JPH1: variants seen among roughly 807,000 people sequenced by gnomAD.
JPH1 encodes the protein junctophilin 1, also known as junctophilin-1.
JPH1 carries 12 observed loss-of-function variants against 53.6 expected under a neutral mutation model. The observed-to-expected ratio is 0.22, with a 90% CI of 0.14 to 0.36. The LOEUF (loss-of-function observed/expected upper bound fraction) is 0.36, where lower values mean the gene tolerates loss of function less well. JPH1 is among the 10% of genes least tolerant of loss of function. The probability of loss-of-function intolerance (pLI) is 1.00; values close to 1 mark genes in which losing one functional copy is unlikely to be tolerated. For synonymous variants in JPH1, 375 were observed against 363.8 expected (o/e 1.03, Z -0.35); for missense variants, 808 against 905.5 (o/e 0.89, Z 1.38).
At chr8:74,269,863 T>C (rs1314405707) in intron 2 of JPH1, among the ~76,000 whole-genome samples, 2 of 152,238 alleles carry the variant, frequency 1.3e-5, no homozygotes, top group Non-Finnish European at 2.9e-5. Context: ...AAGAAGTTTC[T>C]TTATCACCAT....
chr8:74,246,823 G>A (rs188021463), intron 3 of JPH1, among the ~76,000 whole-genome samples: 9 of 152,160 alleles, frequency 5.9e-5, no homozygotes, highest in Non-Finnish European at 1.3e-4. Context: ...ATGGACAATT[G>A]AGACTTCCTT....
In JPH1 at chr8:74,315,652, C is replaced by T. The variant is rs1808136413; in HGVS notation, c.380-32G>A. 3.2e-6 allele frequency: 5 copies of T among 1,558,716 alleles called. No individual in the cohort carries two copies. Among genetic ancestry groups the T allele is most frequent in the Admixed American group, 3.7e-5 (2 of 54,200 alleles). On this transcript the variant is annotated intron_variant, in intron 1 of 5. Transcript: ENST00000342232. The surrounding 1 kb of genome is among the most constrained non-coding windows in gnomAD (Gnocchi z 6.3). ...GAGACCGCAAGAAAGCACCGTGAGT[C>T]GGGGGCAGAGCTGCACCGTCACCTG...
chr8:74,294,577 TTGTC>T (rs1807447585), intron 2 of JPH1, among the ~76,000 whole-genome samples: 1 of 152,214 alleles, frequency 6.6e-6, no homozygotes, highest in African/African-American at 2.4e-5. Flanking sequence ...CTCCCACACA[TTGTC>T]TGAACCTCCA....
chr8:74,314,813 C>T (rs771548331), intron 2 of JPH1, 48 bp downstream of exon 2: 1 of 1,600,134 alleles, frequency 6.2e-7, no homozygotes, highest in South Asian at 1.1e-5. Flanking sequence ...TTTGATACTC[C>T]ATTGTTCTGA....
chr8:74,259,859 ATAAAT>A (rs1806342405), intron 2 of JPH1, among the ~76,000 whole-genome samples: 1 of 152,246 alleles, frequency 6.6e-6, no homozygotes, highest in Non-Finnish European at 1.5e-5. Context: ...ATTAGAACAT[ATAAAT>A]TAATAGTGTT....
At chr8:74,291,195 A>C (rs1807316165) in intron 2 of JPH1, among the ~76,000 whole-genome samples, 1 of 152,266 alleles carries the variant, frequency 6.6e-6, no homozygotes, top group Non-Finnish European at 1.5e-5. Context: ...TGACTAGGCA[A>C]CCTACAGAAT....
At chr8:74,254,549 T>A (rs957788313) in intron 3 of JPH1, among the ~76,000 whole-genome samples, 20 of 152,044 alleles carry the variant, frequency 1.3e-4, no homozygotes, top group Admixed American at 6.5e-5. Flanking sequence ...GCCAGGGCAA[T>A]CAGGCAGGAG....
At chr8:74,303,624 C>T (rs1443915634) in intron 2 of JPH1, among the ~76,000 whole-genome samples, 2 of 152,100 alleles carry the variant, frequency 1.3e-5, no homozygotes, top group Non-Finnish European at 2.9e-5. Flanking sequence ...TGCTCTGTCA[C>T]CCAAGATGGA....
At chr8:74,250,068 A>G (rs1385568241) in intron 3 of JPH1, among the ~76,000 whole-genome samples, 1 of 152,172 alleles carries the variant, frequency 6.6e-6, no homozygotes, top group Non-Finnish European at 1.5e-5. Context: ...ATCAATAAAT[A>G]CAAAAATTTT....
intron 4 of JPH1, among the ~76,000 whole-genome samples, chr8:74,242,037 C>A (rs1484287224): frequency 1.3e-5 from 2 of 152,084 alleles, no homozygotes; most frequent in Non-Finnish European, 2.9e-5. Flanking sequence ...GCAACCATTG[C>A]CCACAGGGGT....
At chr8:74,281,343 T>C (rs1807011515) in intron 2 of JPH1, among the ~76,000 whole-genome samples, 1 of 152,192 alleles carries the variant, frequency 6.6e-6, no homozygotes, top group Non-Finnish European at 1.5e-5. Context: ...AGTGGTTACT[T>C]GGACATGTAA....
intron 2 of JPH1, among the ~76,000 whole-genome samples, chr8:74,311,865 G>C (rs187247087): frequency 4.7e-4 from 71 of 151,992 alleles, no homozygotes; most frequent in Non-Finnish European, 8.7e-4. Flanking sequence ...ATTTTTTATG[G>C]CTGCATAGTA....
intron 2 of JPH1, among the ~76,000 whole-genome samples, chr8:74,270,218 T>C (rs778384042): frequency 6.6e-6 from 1 of 152,180 alleles, no homozygotes; most frequent in Non-Finnish European, 1.5e-5. Flanking sequence ...CATTTTTAGG[T>C]GGTGTTAAAA....
intron 3 of JPH1, among the ~76,000 whole-genome samples, chr8:74,258,894 T>G (rs910237615): frequency 6.6e-6 from 1 of 152,186 alleles, no homozygotes; most frequent in African/African-American, 2.4e-5. Flanking sequence ...TCGGGTGATA[T>G]TTGTTACTAC....
intron 2 of JPH1, among the ~76,000 whole-genome samples, chr8:74,290,612 C>T (rs1023606844): frequency 1.3e-5 from 2 of 152,128 alleles, no homozygotes; most frequent in African/African-American, 4.8e-5. Context: ...ACTTTCTTCA[C>T]AGAATTGGAA....
At position 74,320,801 on chromosome 8, in the gene JPH1, C is replaced by CG; in HGVS notation, c.379+107dup. The CG allele has an allele frequency of 7.7e-7, 1 of 1,307,060 alleles. No individual in the cohort carries two copies. Among genetic ancestry groups the CG allele is most frequent in the Non-Finnish European group, 9.9e-7 (1 of 1,006,192 alleles). 81.0% of individuals were successfully genotyped at this position (1,307,060 alleles called of 1,614,324 possible). On this transcript the variant is annotated intron_variant, in intron 1 of 5. Coordinates refer to ENST00000342232, the MANE Select transcript of JPH1 (RefSeq NM_020647.4). This position sits in a 1 kb window ranked among gnomAD's most constrained non-coding sequence, Gnocchi z 4.4. Reference sequence around the variant, plus strand: ...TGGGAGGCGCCCCCAGGTGTTTTGGCGGGTTTCCGGACACGTGCGCCCGGC... The same window carrying CG: ...TGGGAGGCGCCCCCAGGTGTTTTGGCGGGGTTTCCGGACACGTGCGCCCGGC...
chr8:74,296,565 A>G (rs1807528146), intron 2 of JPH1, among the ~76,000 whole-genome samples: 1 of 152,186 alleles, frequency 6.6e-6, no homozygotes, highest in Admixed American at 6.5e-5. Context: ...GAGGAACAGA[A>G]AACTCAAAGG....
chr8:74,314,908 T>G lies in JPH1; in HGVS notation c.1092A>C (p.Gln364His), dbSNP rs756991747. The change falls in exon 2 of 6, where the codon CAA becomes CAC. Residue 364 changes from glutamine (Q) to histidine (H), a missense_variant. Coordinates refer to ENST00000342232, the MANE Select transcript of JPH1 (RefSeq NM_020647.4). ...TGGTTCTGGCCATGGCAGCTGCCCT[T>G]TGGGCGCCTTCAATTGCTCTGTCCA... is the stretch of plus-strand genomic sequence containing the variant. The part of the protein sequence containing the change: ...EKVDRAIEGA[Q>H]RAAAMARTKV... 1.2e-6 allele frequency: 2 copies of G among 1,614,240 alleles called. No homozygotes were observed. Among genetic ancestry groups the G allele is most frequent in the Admixed American group, 3.3e-5 (2 of 60,028 alleles).
At chr8:74,247,780 G>A (rs1421987421) in intron 3 of JPH1, among the ~76,000 whole-genome samples, 1 of 152,066 alleles carries the variant, frequency 6.6e-6, no homozygotes, top group Non-Finnish European at 1.5e-5. Flanking sequence ...TTTTTGAGGT[G>A]ATAAATAGGT....
Sources: allele counts gnomAD v4.1 joint callset (sites outside exome capture counted in the v4.1 genomes callset), GRCh38; gene constraint gnomAD v4.1.1; non-coding constraint Gnocchi (gnomAD v3.1); transcripts MANE v1.5; gene names NCBI Gene and HGNC (gene_info 2026-07-23, HGNC 2026-07-21).